LLGL1: variants seen among roughly 807,000 people sequenced by gnomAD.
The protein encoded by LLGL1 is lethal(2) giant larvae protein homolog 1.
Under a neutral mutation model 110.6 loss-of-function variants are expected in LLGL1, and 58 were observed. The ratio of observed to expected loss-of-function variants is 0.52; its 90% CI spans 0.42 to 0.65. The LOEUF is 0.65. LLGL1 is among the 30% of genes least tolerant of loss of function. The pLI is 0.00. For synonymous variants in LLGL1, 674 were observed against 607.2 expected, an observed-to-expected ratio of 1.11 and a Z score of -1.62; for missense variants, 1,229 against 1,462.1, an observed-to-expected ratio of 0.84 and a Z score of 2.60.
intron 11 of LLGL1, 23 bp downstream of exon 11, chr17:18,235,560 G>A (rs745562086): frequency 3.7e-6 from 6 of 1,608,868 alleles, no homozygotes; most frequent in Non-Finnish European, 3.4e-6. Context: ...GCTTATGTGG[G>A]TGAGTGGGCC....
Position 18,235,316 on chromosome 17 carries a change from T to A in LLGL1, c.1284+4T>A. 6.2e-7 allele frequency: 1 copy of A among 1,609,988 alleles called. No individual in the cohort carries two copies. Among genetic ancestry groups the A allele is most frequent in the Non-Finnish European group, 8.5e-7 (1 of 1,179,570 alleles). ...CCAGCCTGTCTCCAGTGCCTTGGTG[T>A]GTGCGGCGATCAGGGGGGTCTTACA... is the stretch of plus-strand genomic sequence containing the variant. On this transcript the variant is annotated splice_donor_region_variant and intron_variant, in intron 10 of 22. Coordinates refer to ENST00000316843, the MANE Select transcript of LLGL1 (RefSeq NM_004140.4).
At chr17:18,232,891 A>G in intron 4 of LLGL1, 89 bp downstream of exon 4, 2 of 1,554,038 alleles carry the variant, frequency 1.3e-6, no homozygotes, top group Non-Finnish European at 1.8e-6. Context: ...CAGCATGGAG[A>G]TGGGCAGCGG....
At position 18,240,808 on chromosome 17, in the gene LLGL1, C is replaced by A; in HGVS notation, c.2437C>A (p.Leu813Met). 1.3e-6 allele frequency: 2 copies of A among 1,580,602 alleles called. No homozygotes were observed. The highest frequency in any genetic ancestry group is 2.3e-5 in the East Asian group (1 of 42,792). The change falls in exon 17 of 23, where the codon CTG (leucine) becomes ATG (methionine). Residue 813 changes from leucine (L) to methionine (M), a missense_variant. Physicochemically the swap from Leu to Met is conservative, Grantham distance 15. Transcript: ENST00000316843. This position sits in a 1 kb window ranked among gnomAD's most constrained non-coding sequence, Gnocchi z 5.3. The part of the protein sequence containing the change: ...LPEPYEASRD[L>M]AQAPDMQGGH... ...CGAGCCCTACGAGGCCTCACGGGAC[C>A]TGGCGCAGGCACCTGACATGCAGGG... is the stretch of plus-strand genomic sequence containing the variant.
At chr17:18,234,760 G>T in intron 8 of LLGL1, 57 bp downstream of exon 8, 1 of 1,613,610 alleles carries the variant, frequency 6.2e-7, no homozygotes, top group Non-Finnish European at 8.5e-7. Flanking sequence ...GGGCTGGAAG[G>T]GTGGGCTCTC....
Position 18,225,711 on chromosome 17 carries a change from G to A in LLGL1, c.29G>A (p.Gly10Asp). ...ATGAAGTTTCGGTTCCGGCGGCAGG[G>A]CGCCGACCCGCAGCGCGAGAAGCTC... The part of the protein sequence containing the change: MMKFRFRRQ[G>D]ADPQREKLKQ... Residue 10 changes from glycine (G) to aspartate (D), a missense_variant, in exon 1 of 23, where the codon GGC (glycine) becomes GAC (aspartate). Transcript: ENST00000316843. The A allele has an allele frequency of 9.5e-7, 1 of 1,055,368 alleles. No individual in the cohort carries two copies. The highest frequency in any genetic ancestry group is 1.2e-6 in the Non-Finnish European group (1 of 864,752). The allele number at this position is 1,055,368 out of a possible 1,614,324, so 65.4% of individuals were successfully genotyped here. A position where few individuals can be genotyped will look rare whatever the true frequency, so the allele number is the denominator to read the frequency against.
chr17:18,244,228 C>CAGAGT lies in LLGL1; in HGVS notation c.*324_*328dup, dbSNP rs1379491592. ...CACACCATCCTTCCCCCTCACTTTG[C>CAGAGT]AGAGTATTTTTCCTTTTTTTTTTTT... On this transcript the variant is annotated 3_prime_UTR_variant, in exon 23 of 23. Transcript: ENST00000316843. The CAGAGT allele has an allele frequency of 6.7e-6, 1 of 149,580 alleles. No individual in the cohort carries two copies. Among genetic ancestry groups the CAGAGT allele is most frequent in the East Asian group, 2.0e-4 (1 of 5,090 alleles). 9.3% of individuals were successfully genotyped at this position (149,580 alleles called of 1,614,324 possible).
chr17:18,242,416 C>G (rs1215475895), intron 20 of LLGL1, 92 bp from the exon 21 acceptor site: 1 of 1,581,292 alleles, frequency 6.3e-7, no homozygotes, highest in African/African-American at 1.3e-5. Flanking sequence ...CCACCCCTCA[C>G]CATGGGCTGC....
At chr17:18,237,812 A>C (rs116914192) in intron 14 of LLGL1, 39 bp downstream of exon 14, 3 of 1,571,224 alleles carry the variant, frequency 1.9e-6, no homozygotes, top group African/African-American at 1.3e-5. Context: ...TGGAGCCCCC[A>C]GCGAGATGGG....
intron 1 of LLGL1, among the ~76,000 whole-genome samples, chr17:18,229,670 C>T (rs1253396336): frequency 1.3e-5 from 2 of 152,178 alleles, no homozygotes; most frequent in Non-Finnish European, 2.9e-5. Context: ...CATTGAGGGG[C>T]ACAGGGGCTT....
At chr17:18,238,391 C>T (rs2245430) in intron 15 of LLGL1, 65 bp from the exon 16 acceptor site, 423,764 of 1,571,630 alleles carry the variant, frequency 0.27, 59,252 homozygotes, top group South Asian at 0.41. Flanking sequence ...GAACGTAGGG[C>T]GCAAAGCAGG....
In LLGL1 at chr17:18,242,775, A is replaced by G; in HGVS notation, c.3149A>G (p.Asn1050Ser). The G allele has an allele frequency of 6.4e-7, 1 of 1,568,738 alleles. No homozygotes were observed. Among genetic ancestry groups the G allele is most frequent in the South Asian group, 1.2e-5 (1 of 85,478 alleles). ...SSEESEKNLR[N>S]LAEDEAHACA... ...GAGGAGTCAGAGAAGAACCTGAGGA[A>G]CCTGGCAGAAGACGAGGCCCACGCC... The change falls in exon 22 of 23, where the codon AAC becomes AGC. Residue 1050 changes from asparagine (N) to serine (S), a missense_variant. Transcript: ENST00000316843.
chr17:18,228,152 C>T (rs2142542128), intron 1 of LLGL1, among the ~76,000 whole-genome samples: 1 of 152,248 alleles, frequency 6.6e-6, no homozygotes, highest in Non-Finnish European at 1.5e-5. Context: ...CAGTGAAAAG[C>T]CAAAACAAAA....
chr17:18,241,836 T>C (rs1347711220), intron 18 of LLGL1, 49 bp from the exon 19 acceptor site: 1 of 1,601,898 alleles, frequency 6.2e-7, no homozygotes. Flanking sequence ...GGAGGAGCTG[T>C]GGTTGGTGGT....
intron 14 of LLGL1, 78 bp downstream of exon 14, chr17:18,237,851 T>C: frequency 6.7e-7 from 1 of 1,486,632 alleles, no homozygotes; most frequent in Admixed American, 2.0e-5. Flanking sequence ...ACCTCTAGTG[T>C]TTGGTGTGGC....
intron 14 of LLGL1, 142 bp downstream of exon 14, chr17:18,237,915 G>T: frequency 1.6e-6 from 2 of 1,285,846 alleles, no homozygotes; most frequent in South Asian, 2.9e-5. Context: ...GCTCCAAGAA[G>T]GACATTCTCA....
At chr17:18,235,610 T>G (rs994502397) in intron 11 of LLGL1, 73 bp downstream of exon 11, 31 of 1,469,986 alleles carry the variant, frequency 2.1e-5, no homozygotes, top group Non-Finnish European at 2.8e-5. Context: ...GCCTGGTGGG[T>G]GCAGAGGTGC....
In LLGL1 at chr17:18,235,515, C is replaced by A. The variant is rs1182080597; in HGVS notation, c.1330C>A (p.Gln444Lys). ...CCGAAACCTGGCCCAGGAGCCGTCA[C>A]AGCGAGGGCTGCTGCTGACGGGGTA... ...GGRNLAQEPS[Q>K]RGLLLTGHED... Residue 444 changes from glutamine to lysine, a missense_variant, in exon 11 of 23, where the codon CAG becomes AAG. Transcript: ENST00000316843. The A allele has an allele frequency of 6.2e-7, 1 of 1,613,960 alleles. No homozygotes were observed. The highest frequency in any genetic ancestry group is 8.5e-7 in the Non-Finnish European group (1 of 1,179,982).
chr17:18,237,312 C>T (rs2047714567), intron 13 of LLGL1, 169 bp from the exon 14 acceptor site: 6 of 675,446 alleles, frequency 8.9e-6, no homozygotes, highest in Non-Finnish European at 1.5e-5. Context: ...CAGCCAGGGC[C>T]TTGGTATACA....
chr17:18,234,544 G>A, intron 7 of LLGL1, 105 bp from the exon 8 acceptor site: 4 of 1,578,124 alleles, frequency 2.5e-6, no homozygotes, highest in East Asian at 2.3e-5. Context: ...TTCCCGGGGA[G>A]GCAGGAGGCA....
Sources: gnomAD v4.1 joint callset for allele counts (sites outside exome capture counted in the v4.1 genomes callset) on GRCh38, gnomAD v4.1.1 for gene constraint, Gnocchi (gnomAD v3.1) non-coding constraint, MANE v1.5 for transcripts, NCBI Gene and HGNC (gene_info 2026-07-23, HGNC 2026-07-21) for gene names.